OTOF: variants seen among roughly 807,000 people sequenced by gnomAD.
OTOF encodes the protein otoferlin.
Under a neutral mutation model 236.8 loss-of-function variants are expected in OTOF, and 218 were observed. That is an observed-to-expected ratio of 0.92 (90% CI 0.82 to 1.03). The LOEUF (loss-of-function observed/expected upper bound fraction) is 1.03, where lower values mean the gene tolerates loss of function less well. Among genes scored for constraint, OTOF ranks in the 50% least tolerant of loss-of-function variants. OTOF has a pLI of 0.00. For missense variants in OTOF, 2,590 were observed against 2,694.4 expected (o/e 0.96, Z 0.86); for synonymous variants, 1,041 against 1,072.5 (o/e 0.97, Z 0.57).
intron 11 of OTOF, among the ~76,000 whole-genome samples, chr2:26,488,165 G>A (rs932265144): frequency 2.6e-5 from 4 of 152,158 alleles, no homozygotes; most frequent in South Asian, 2.1e-4. Flanking sequence ...ACAAGCGATC[G>A]CCAATTTGTT....
At chr2:26,481,670 T>C (rs1665544442) in intron 14 of OTOF, among the ~76,000 whole-genome samples, 2 of 152,222 alleles carry the variant, frequency 1.3e-5, no homozygotes, top group South Asian at 4.1e-4. Flanking sequence ...TTTTCGTATA[T>C]TCACTGTGCT....
At chr2:26,474,810 A>T in intron 25 of OTOF, 136 bp from the exon 26 acceptor site, 1 of 965,122 alleles carries the variant, frequency 1.0e-6, no homozygotes, top group Non-Finnish European at 1.6e-6. Context: ...GAGGAAACCA[A>T]GTCTCAGGGC....
rs888355681 is a variant in OTOF at position 26,473,658 on chromosome 2, G to A, written c.3409-91C>T. 21 of 1,340,968 alleles carry A rather than the reference G, an allele frequency of 1.6e-5. No individual in the cohort carries two copies. Among genetic ancestry groups the A allele is most frequent in the African/African-American group, 1.3e-4 (9 of 68,928 alleles). The allele number at this position is 1,340,968 out of a possible 1,614,324, so 83.1% of individuals were successfully genotyped here. On this transcript the variant is annotated intron_variant, in intron 27 of 46. Transcript: ENST00000272371. The surrounding 1 kb of genome is among the most constrained non-coding windows in gnomAD (Gnocchi z 7.2). Reference sequence around the variant, plus strand: ...GTGCTGGACCATCCAATAGGGAACCGGGCAGTGGGATGGGCAGTAGTTCAC... The same window carrying A: ...GTGCTGGACCATCCAATAGGGAACCAGGCAGTGGGATGGGCAGTAGTTCAC...
chr2:26,544,778 C>A (rs1667290166), intron 1 of OTOF, among the ~76,000 whole-genome samples: 1 of 152,166 alleles, frequency 6.6e-6, no homozygotes, highest in Non-Finnish European at 1.5e-5. Flanking sequence ...TGGCTCATGC[C>A]TGTAATCCCA....
intron 15 of OTOF, 23 bp downstream of exon 15, chr2:26,480,763 C>A (rs1440057488): frequency 4.4e-6 from 7 of 1,591,260 alleles, no homozygotes; most frequent in African/African-American, 2.7e-5. Context: ...CCCTGGGGGA[C>A]AGCACAGTGC....
intron 36 of OTOF, chr2:26,466,349 T>G (rs77866054): frequency 1.9e-6 from 1 of 531,770 alleles, no homozygotes; most frequent in Non-Finnish European, 3.4e-6. Flanking sequence ...CTTTTTTTTT[T>G]CCTTTGAGAC....
At chr2:26,554,779 A>AG (rs1405221043) in intron 1 of OTOF, among the ~76,000 whole-genome samples, 1 of 138,092 alleles carries the variant, frequency 7.2e-6, no homozygotes, top group Non-Finnish European at 1.6e-5. Context: ...AATCAGGGGG[A>AG]GGGTGGGAAG....
intron 9 of OTOF, among the ~76,000 whole-genome samples, chr2:26,494,655 G>GT (rs1491449364): frequency 9.9e-4 from 99 of 99,656 alleles, no homozygotes; most frequent in South Asian, 3.8e-3. Context: ...GGGGAGTGGG[G>GT]TGGGGGGGGG....
At chr2:26,551,868 C>A (rs898192135) in intron 1 of OTOF, among the ~76,000 whole-genome samples, 1 of 151,974 alleles carries the variant, frequency 6.6e-6, no homozygotes, top group Non-Finnish European at 1.5e-5. Context: ...TTTATTTGAG[C>A]TCTTATCTTT....
chr2:26,482,213 A>C (rs1665557157), intron 14 of OTOF, among the ~76,000 whole-genome samples, 193 bp downstream of exon 14: 1 of 152,180 alleles, frequency 6.6e-6, no homozygotes, highest in African/African-American at 2.4e-5. Flanking sequence ...GGCTCAGGCC[A>C]GCTCTGAGCC....
chr2:26,484,674 C>G (rs532882685), intron 11 of OTOF, 41 bp from the exon 12 acceptor site: 1 of 1,607,468 alleles, frequency 6.2e-7, no homozygotes, highest in South Asian at 1.1e-5. Context: ...GACACCCCCA[C>G]CCAGAGCGTC....
intron 16 of OTOF, among the ~76,000 whole-genome samples, chr2:26,479,906 T>C (rs570680120): frequency 1.3e-5 from 2 of 152,322 alleles, no homozygotes; most frequent in East Asian, 3.9e-4. Flanking sequence ...CACTCTCTCC[T>C]CTCCAGCCCC....
intron 15 of OTOF, 63 bp from the exon 16 acceptor site, chr2:26,480,374 C>T (rs1042504934): frequency 2.0e-6 from 2 of 1,000,912 alleles, no homozygotes; most frequent in African/African-American, 3.1e-5. Flanking sequence ...GGGGGCCAGG[C>T]CTCCTTCCGT....
chr2:26,472,229 C>T, intron 30 of OTOF: 3 of 467,304 alleles, frequency 6.4e-6, no homozygotes, highest in South Asian at 2.0e-5. Flanking sequence ...CATACGCATG[C>T]ACGCACAAAT....
At chr2:26,466,522 A>G (rs766849082) in intron 36 of OTOF, among the ~76,000 whole-genome samples, 192 bp downstream of exon 36, 29 of 152,212 alleles carry the variant, frequency 1.9e-4, no homozygotes, top group Middle Eastern at 3.4e-3. Flanking sequence ...TTTTTAGTAG[A>G]GACGGGGTTT....
At chr2:26,517,183 T>C (rs747431756) in intron 4 of OTOF, among the ~76,000 whole-genome samples, 2 of 152,150 alleles carry the variant, frequency 1.3e-5, no homozygotes, top group Non-Finnish European at 2.9e-5. Flanking sequence ...TCAACCGGGC[T>C]CAGGCTTAGC....
rs141972928 is a variant in OTOF, at chr2:26,474,067, G to A, written c.3332C>T (p.Pro1111Leu). The change falls in exon 27 of 47, where the codon CCG becomes CTG. Residue 1111 changes from proline to leucine, a missense_variant. Transcript: ENST00000272371. ...GATGGGACCTCGGTCCACGTCCACCGGGCCATTGATGGGGGGCAGGTCAGC... is the reference window on the plus strand; with the variant it reads ...GATGGGACCTCGGTCCACGTCCACCAGGCCATTGATGGGGGGCAGGTCAGC... ...GKADLPPINGPVDVDRGPIMP... is the reference protein window; with the variant it reads ...GKADLPPINGLVDVDRGPIMP... 121 of 1,613,012 alleles carry A rather than the reference G, an allele frequency of 7.5e-5. No individual in the cohort carries two copies. The African/African-American group carries it at 9.6e-4, about 13-fold the overall frequency.
chr2:26,487,631 G>A (rs1399608351), intron 11 of OTOF, among the ~76,000 whole-genome samples: 1 of 152,148 alleles, frequency 6.6e-6, no homozygotes, highest in Admixed American at 6.5e-5. Flanking sequence ...CTACCCAGAA[G>A]CCCAGAGGTC....
rs759172218 is a variant in OTOF, at chr2:26,466,718, A to G, written c.4496T>C (p.Val1499Ala). The change falls in exon 36 of 47, where the codon GTC (valine) becomes GCC (alanine). Residue 1499 changes from valine to alanine, a missense_variant. Physicochemically the swap from Val to Ala is moderately conservative, Grantham distance 64. Coordinates refer to ENST00000272371, the MANE Select transcript of OTOF (RefSeq NM_194248.3). ...PINVLVRVYVVRATDLHPADI... is the reference protein window; with the variant it reads ...PINVLVRVYVARATDLHPADI... The stretch of plus-strand genomic sequence containing the variant: ...GGAAAGCGACGGGAGTCTCACCCGG[A>G]CCACATAGACTCGGACCAGCACATT... The G allele has an allele frequency of 3.5e-5, 56 of 1,614,028 alleles. No individual in the cohort carries two copies. Among genetic ancestry groups the G allele is most frequent in the Non-Finnish European group, 4.7e-5 (55 of 1,180,012 alleles).
Sources: gnomAD v4.1 joint callset for allele counts (sites outside exome capture counted in the v4.1 genomes callset) on GRCh38, gnomAD v4.1.1 for gene constraint, Gnocchi (gnomAD v3.1) non-coding constraint, MANE v1.5 for transcripts, NCBI Gene and HGNC (gene_info 2026-07-23, HGNC 2026-07-21) for gene names.